The following FOCAD variants were observed in gnomAD, a reference collection of about 807,000 sequenced individuals.
FOCAD encodes the protein KIAA1797.
FOCAD carries 198 observed loss-of-function variants against 225.6 expected under a neutral mutation model. The observed-to-expected ratio is 0.88, with a 90% CI of 0.78 to 0.99. The LOEUF (loss-of-function observed/expected upper bound fraction) is 0.99, where lower values mean the gene tolerates loss of function less well. Ranked by LOEUF, FOCAD falls within the 50% of genes least tolerant of loss-of-function variation. The probability of loss-of-function intolerance (pLI) is 0.00; values close to 1 mark genes in which losing one functional copy is unlikely to be tolerated. For synonymous variants in FOCAD, 897 were observed against 755.0 expected, an observed-to-expected ratio of 1.19 and a Z score of -3.08; for missense variants, 2,713 against 2,123.6, an observed-to-expected ratio of 1.28 and a Z score of -5.46.
chr9:20,789,882 G>T (rs1174648174), intron 11 of FOCAD, among the ~76,000 whole-genome samples: 2 of 152,016 alleles, frequency 1.3e-5, no homozygotes, highest in African/African-American at 4.8e-5. Context: ...TTTTTTGGTG[G>T]ATTTGCTATT....
intron 35 of FOCAD, among the ~76,000 whole-genome samples, chr9:20,956,671 A>G (rs1403667156): frequency 1.3e-5 from 2 of 152,220 alleles, no homozygotes; most frequent in South Asian, 2.1e-4. Flanking sequence ...ACATTTGTCA[A>G]TAGCATATGT....
At chr9:20,740,396 T>G (rs1827514368) in intron 5 of FOCAD, 56 bp downstream of exon 5, 1 of 968,294 alleles carries the variant, frequency 1.0e-6, no homozygotes, top group South Asian at 1.5e-5. Context: ...ATGAAATTAT[T>G]AACTGTGACA....
chr9:20,686,172 G>A (rs185776334), intron 1 of FOCAD, among the ~76,000 whole-genome samples: 3 of 152,144 alleles, frequency 2.0e-5, no homozygotes, highest in Non-Finnish European at 4.4e-5. Flanking sequence ...TTTTTTGTTT[G>A]TTTGGAGACA....
At chr9:20,686,184 G>T (rs1036882901) in intron 1 of FOCAD, among the ~76,000 whole-genome samples, 1 of 152,038 alleles carries the variant, frequency 6.6e-6, no homozygotes, top group Non-Finnish European at 1.5e-5. Context: ...TTGGAGACAG[G>T]GTCACTCTGT....
chr9:20,698,378 GCA>G (rs1304802255), intron 1 of FOCAD, among the ~76,000 whole-genome samples: 5 of 149,744 alleles, frequency 3.3e-5, no homozygotes, highest in African/African-American at 9.8e-5. Flanking sequence ...ACACACACAC[GCA>G]CACACACACA....
At chr9:20,887,201 T>A (rs1032536920) in intron 21 of FOCAD, among the ~76,000 whole-genome samples, 8 of 152,236 alleles carry the variant, frequency 5.3e-5, no homozygotes, top group Admixed American at 4.6e-4. Context: ...TGAGTCTTTT[T>A]TATTTCCAAG....
intron 28 of FOCAD, among the ~76,000 whole-genome samples, chr9:20,937,940 A>G (rs913528414): frequency 6.6e-6 from 1 of 152,234 alleles, no homozygotes; most frequent in Non-Finnish European, 1.5e-5. Context: ...GACACTTCTC[A>G]AAAGAAGACA....
At chr9:20,851,950 C>A (rs77489765) in intron 15 of FOCAD, among the ~76,000 whole-genome samples, 1 of 151,912 alleles carries the variant, frequency 6.6e-6, no homozygotes, top group East Asian at 1.9e-4. Flanking sequence ...GTAATAGTGA[C>A]CATGTGGCCC....
At chr9:20,868,731 C>G (rs1829502904) in intron 18 of FOCAD, among the ~76,000 whole-genome samples, 1 of 151,636 alleles carries the variant, frequency 6.6e-6, no homozygotes, top group Non-Finnish European at 1.5e-5. Flanking sequence ...TGCCCTAATC[C>G]CCTTCTGGGA....
intron 6 of FOCAD, among the ~76,000 whole-genome samples, chr9:20,761,065 T>C (rs774340827): frequency 2.0e-5 from 3 of 151,742 alleles, no homozygotes; most frequent in Non-Finnish European, 2.9e-5. Context: ...AGATTGGGAG[T>C]CTGCTGTGTT....
At chr9:20,759,944 C>T (rs1382345130) in intron 6 of FOCAD, among the ~76,000 whole-genome samples, 6 of 152,282 alleles carry the variant, frequency 3.9e-5, no homozygotes, top group East Asian at 1.9e-4. Flanking sequence ...AGATAGCCAC[C>T]ATATGTGCAG....
intron 1 of FOCAD, among the ~76,000 whole-genome samples, chr9:20,693,837 A>C (rs1269589403): frequency 6.6e-6 from 1 of 152,144 alleles, no homozygotes; most frequent in Non-Finnish European, 1.5e-5. Context: ...CAGCCTCCCA[A>C]GTAGATGGGA....
At chr9:20,720,608 G>A in intron 4 of FOCAD, 74 bp downstream of exon 4, 3 of 1,443,468 alleles carry the variant, frequency 2.1e-6, no homozygotes, top group Non-Finnish European at 2.9e-6. Flanking sequence ...TCACTATTAA[G>A]AGTCAGCATT....
At chr9:20,963,495 G>T (rs1274927889) in intron 35 of FOCAD, among the ~76,000 whole-genome samples, 1 of 152,120 alleles carries the variant, frequency 6.6e-6, no homozygotes, top group Non-Finnish European at 1.5e-5. Flanking sequence ...CTCTCAAAGT[G>T]CCTGGAAAAA....
intron 27 of FOCAD, among the ~76,000 whole-genome samples, chr9:20,930,798 T>C (rs898629936): frequency 2.0e-5 from 3 of 152,212 alleles, no homozygotes; most frequent in African/African-American, 7.2e-5. Context: ...ATATAGGTCT[T>C]GTTCTGGAGA....
intron 15 of FOCAD, among the ~76,000 whole-genome samples, chr9:20,825,904 A>G (rs561353706): frequency 6.6e-6 from 1 of 152,200 alleles, no homozygotes; most frequent in Admixed American, 6.6e-5. Context: ...TTGCTGAACA[A>G]ACAACAGAGA....
chr9:20,952,098 C>T (rs1837736217), intron 34 of FOCAD, among the ~76,000 whole-genome samples: 1 of 152,124 alleles, frequency 6.6e-6, no homozygotes, highest in Admixed American at 6.6e-5. Flanking sequence ...ATACCGGAAG[C>T]CCTGGGTAAT....
At chr9:20,826,885 T>C (rs909386716) in intron 15 of FOCAD, among the ~76,000 whole-genome samples, 3 of 152,164 alleles carry the variant, frequency 2.0e-5, no homozygotes, top group Admixed American at 6.5e-5. Flanking sequence ...ATAATTAATG[T>C]TCCTGCATTC....
chr9:20,874,665 T>A lies in FOCAD; in HGVS notation c.2191-16T>A, dbSNP rs1276006272. ...TATTATTATCCTCTCTATGATCTTT[T>A]CGCTTATCATTTCAGATAAGACCAG... On this transcript the variant is annotated splice_polypyrimidine_tract_variant and intron_variant, in intron 18 of 43. Coordinates refer to ENST00000338382, the MANE Select transcript of FOCAD (RefSeq NM_001375567.1). 1.9e-6 allele frequency: 3 copies of A among 1,610,990 alleles called. No individual in the cohort carries two copies. In the African/African-American group the frequency reaches 4.0e-5, roughly 22 times the overall value.
Sources: gnomAD v4.1 joint callset for allele counts (sites outside exome capture counted in the v4.1 genomes callset) on GRCh38, gnomAD v4.1.1 for gene constraint, MANE v1.5 for transcripts, NCBI Gene and HGNC (gene_info 2026-07-23, HGNC 2026-07-21) for gene names.